The following FHIT variants were observed in gnomAD, a reference collection of about 807,000 sequenced individuals.
FHIT encodes the protein fragile histidine triad diadenosine triphosphatase, also known as bis(5'-adenosyl)-triphosphatase.
Under a neutral mutation model 17.9 loss-of-function variants are expected in FHIT, and 19 were observed. The observed-to-expected ratio is 1.06, with a 90% CI of 0.74 to 1.56. FHIT has a LOEUF of 1.56. Among genes scored for constraint, FHIT ranks in the 40% most tolerant of loss-of-function variants. The pLI, the probability that FHIT is intolerant of heterozygous loss-of-function variation, is 0.00. For missense variants in FHIT, 248 were observed against 189.2 expected, an observed-to-expected ratio of 1.31 and a Z score of -1.82; for synonymous variants, 81 against 69.7, an observed-to-expected ratio of 1.16 and a Z score of -0.81.
At chr3:60,438,209 G>T (rs2030447834) in intron 5 of FHIT, among the ~76,000 whole-genome samples, 1 of 151,986 alleles carries the variant, frequency 6.6e-6, no homozygotes, top group Non-Finnish European at 1.5e-5. Flanking sequence ...ATGCACATGT[G>T]ATTTCACCTG....
chr3:60,125,596 C>T (rs905753514), intron 5 of FHIT, among the ~76,000 whole-genome samples: 2 of 146,004 alleles, frequency 1.4e-5, no homozygotes, highest in Non-Finnish European at 1.5e-5. Context: ...CATGCCATTG[C>T]GACAGAACAA....
chr3:59,893,490 A>T (rs1703941270), intron 8 of FHIT, among the ~76,000 whole-genome samples: 1 of 152,248 alleles, frequency 6.6e-6, no homozygotes, highest in Non-Finnish European at 1.5e-5. Flanking sequence ...CCTCAAAAGC[A>T]TCTCCCATTA....
chr3:60,043,839 G>C (rs1477251321), intron 5 of FHIT, among the ~76,000 whole-genome samples: 1 of 152,122 alleles, frequency 6.6e-6, no homozygotes, highest in Non-Finnish European at 1.5e-5. Context: ...TTGATGTGCT[G>C]AAGAGCCTAA....
chr3:61,029,984 G>T lies in FHIT; in HGVS notation c.-111+12063C>A, dbSNP rs187994103. On this transcript the variant is annotated intron_variant, in intron 3 of 9. Coordinates refer to ENST00000492590, the MANE Select transcript of FHIT (RefSeq NM_002012.4). The stretch of plus-strand genomic sequence containing the variant: ...TACATTTTTGTTTGTTTGTTTGTTT[G>T]TTTGAGACAGGGACTCACTCTGTGG... Among the ~76,000 whole-genome samples, 49 of 152,228 alleles carry T rather than the reference G, an allele frequency of 3.2e-4. 1 individual carries two copies. The Middle Eastern group carries it at 0.01, about 32-fold the overall frequency.
At chr3:60,508,240 T>G (rs1576782669) in intron 5 of FHIT, among the ~76,000 whole-genome samples, 1 of 152,186 alleles carries the variant, frequency 6.6e-6, no homozygotes, top group African/African-American at 2.4e-5. Context: ...AGATCAGCAC[T>G]GTGAATACAG....
intron 4 of FHIT, among the ~76,000 whole-genome samples, chr3:60,720,835 A>G (rs2041794042): frequency 6.6e-6 from 1 of 152,286 alleles, no homozygotes; most frequent in African/African-American, 2.4e-5. Flanking sequence ...AAGGGGCAGT[A>G]ATATGAATAC....
At position 61,056,835 on chromosome 3, in the gene FHIT, C is replaced by T. The variant is rs150401326; in HGVS notation, c.-163-14736G>A. On this transcript the variant is annotated intron_variant, in intron 2 of 9. Coordinates refer to ENST00000492590, the MANE Select transcript of FHIT (RefSeq NM_002012.4). ...CATCAGCTACATAGCACCTAAAATA[C>T]GGGTACCAGCACAAAAGTTTTGTGA... Among the ~76,000 whole-genome samples, 287 of 152,240 alleles carry T rather than the reference C, an allele frequency of 1.9e-3. 3 individuals carry two copies. Among genetic ancestry groups the T allele is most frequent in the Middle Eastern group, 0.01 (3 of 294 alleles).
chr3:59,984,998 T>C (rs1476125994), intron 7 of FHIT, among the ~76,000 whole-genome samples: 1 of 152,050 alleles, frequency 6.6e-6, no homozygotes, highest in African/African-American at 2.4e-5. Flanking sequence ...AAATGGAATC[T>C]CAGATAGGTA....
intron 8 of FHIT, among the ~76,000 whole-genome samples, chr3:59,858,405 T>C (rs971163486): frequency 2.6e-5 from 4 of 152,014 alleles, no homozygotes; most frequent in Non-Finnish European, 4.4e-5. Context: ...TTTTTGTATT[T>C]TTAGTATAGA....
chr3:59,921,730 G>A (rs903231758), intron 8 of FHIT, among the ~76,000 whole-genome samples: 6 of 152,258 alleles, frequency 3.9e-5, no homozygotes, highest in Non-Finnish European at 8.8e-5. Context: ...AAGTTCTCAT[G>A]TAGACAGGGC....
intron 5 of FHIT, among the ~76,000 whole-genome samples, chr3:60,126,627 C>T (rs952585012): frequency 6.6e-6 from 1 of 152,140 alleles, no homozygotes; most frequent in Non-Finnish European, 1.5e-5. Context: ...TATCAACCAA[C>T]AGAATTTGAT....
At chr3:60,429,716 G>C (rs547493165) in intron 5 of FHIT, among the ~76,000 whole-genome samples, 2 of 152,066 alleles carry the variant, frequency 1.3e-5, no homozygotes, top group African/African-American at 4.8e-5. Context: ...GAGAATAAAA[G>C]GTTACTAGTT....
intron 5 of FHIT, among the ~76,000 whole-genome samples, chr3:60,122,868 T>G (rs1705322857): frequency 6.6e-6 from 1 of 152,234 alleles, no homozygotes; most frequent in African/African-American, 2.4e-5. Context: ...ACTGCACAAG[T>G]AGCAATTTTA....
intron 7 of FHIT, among the ~76,000 whole-genome samples, chr3:59,978,441 T>C (rs1373583896): frequency 1.3e-5 from 2 of 151,962 alleles, no homozygotes; most frequent in Non-Finnish European, 2.9e-5. Context: ...CATGTATAAT[T>C]AGTTATACCC....
intron 4 of FHIT, among the ~76,000 whole-genome samples, chr3:60,700,045 C>CCCG (rs1559649404): frequency 2.0e-5 from 3 of 150,714 alleles, no homozygotes; most frequent in Non-Finnish European, 3.0e-5. Context: ...GCAGGAGAAT[C>CCCG]GCTTGAACCC....
At chr3:60,816,768 C>A (rs1224943987) in intron 4 of FHIT, among the ~76,000 whole-genome samples, 1 of 151,796 alleles carries the variant, frequency 6.6e-6, no homozygotes, top group Non-Finnish European at 1.5e-5. Flanking sequence ...AGGAGTTGCT[C>A]CTCTTCAATT....
At chr3:60,320,634 GTCAGACATTCACATAA>G (rs1445560876) in intron 5 of FHIT, among the ~76,000 whole-genome samples, 3 of 152,080 alleles carry the variant, frequency 2.0e-5, no homozygotes, top group African/African-American at 7.2e-5. Flanking sequence ...TGGTATCAAT[GTCAGACATTCACATAA>G]ATCTTTAAAA....
At chr3:60,794,240 T>G (rs555179592) in intron 4 of FHIT, among the ~76,000 whole-genome samples, 1 of 152,300 alleles carries the variant, frequency 6.6e-6, no homozygotes, top group African/African-American at 2.4e-5. Flanking sequence ...TGTTCCACTG[T>G]TCTACTCCTT....
chr3:60,298,418 A>T (rs1708305175), intron 5 of FHIT, among the ~76,000 whole-genome samples: 1 of 152,086 alleles, frequency 6.6e-6, no homozygotes, highest in African/African-American at 2.4e-5. Flanking sequence ...AGATTTCACA[A>T]GTTTTAGGAA....
Sources: allele counts gnomAD v4.1 joint callset (sites outside exome capture counted in the v4.1 genomes callset), GRCh38; gene constraint gnomAD v4.1.1; transcripts MANE v1.5; gene names NCBI Gene and HGNC (gene_info 2026-07-23, HGNC 2026-07-21).